Variants in CCSER1 observed in about 807,000 individuals in gnomAD.
CCSER1 encodes the protein serine-rich coiled-coil domain-containing protein 1.
Under a neutral mutation model 82.0 loss-of-function variants are expected in CCSER1, and 41 were observed. The ratio of observed to expected loss-of-function variants is 0.50; its 90% CI spans 0.39 to 0.65. The LOEUF is 0.65. Ranked by LOEUF, CCSER1 falls within the 30% of genes least tolerant of loss-of-function variation. CCSER1 has a pLI of 0.00. For missense variants in CCSER1, 1,119 were observed against 1,064.2 expected (o/e 1.05, Z -0.72); for synonymous variants, 414 against 383.9 (o/e 1.08, Z -0.92).
At chr4:91,329,094 T>TA (rs1746770030) in intron 10 of CCSER1, among the ~76,000 whole-genome samples, 1 of 152,218 alleles carries the variant, frequency 6.6e-6, no homozygotes, top group South Asian at 2.1e-4. Flanking sequence ...GTTTTATCTT[T>TA]ATTAGCAGAA....
At chr4:90,845,881 C>CTTA (rs915170563) in intron 8 of CCSER1, among the ~76,000 whole-genome samples, 2 of 150,620 alleles carry the variant, frequency 1.3e-5, no homozygotes, top group Non-Finnish European at 2.9e-5. Context: ...GGACTTGTAA[C>CTTA]TTATTTTCTC....
chr4:91,410,567 C>G (rs1342127281), intron 10 of CCSER1, among the ~76,000 whole-genome samples: 1 of 152,206 alleles, frequency 6.6e-6, no homozygotes, highest in South Asian at 2.1e-4. Context: ...TCTCAGGTAC[C>G]AAGCAGCCAA....
At chr4:91,575,034 G>A (rs72658060) in intron 10 of CCSER1, among the ~76,000 whole-genome samples, 3,612 of 152,032 alleles carry the variant, frequency 0.024, 67 homozygotes, top group Non-Finnish European at 0.033. Flanking sequence ...CAATGAAAGA[G>A]AATAGAAATC....
At chr4:91,548,946 TTC>T (rs1275618057) in intron 10 of CCSER1, among the ~76,000 whole-genome samples, 3 of 152,168 alleles carry the variant, frequency 2.0e-5, no homozygotes, top group Non-Finnish European at 4.4e-5. Flanking sequence ...AAAATATTGC[TTC>T]TGTTTTTTTC....
In CCSER1 at chr4:91,409,984, A is replaced by G. The variant is rs1038258606; in HGVS notation, c.2218-188588A>G. Among the ~76,000 whole-genome samples, 13 of 152,230 alleles carry G rather than the reference A, an allele frequency of 8.5e-5. No individual in the cohort carries two copies. In the South Asian group the frequency reaches 1.4e-3, roughly 17 times the overall value. ...CTCTAGATTCGTGCAAAATAAACAC[A>G]TTGACAGTAAGTTCCTTAACTTTAA... On this transcript the variant is annotated intron_variant, in intron 10 of 10. Coordinates refer to ENST00000509176, the MANE Select transcript of CCSER1 (RefSeq NM_001145065.2).
intron 8 of CCSER1, among the ~76,000 whole-genome samples, chr4:90,918,057 T>C (rs191716627): frequency 6.6e-6 from 1 of 152,204 alleles, no homozygotes. Context: ...CCAAACTTTC[T>C]TTTGCAAATT....
chr4:91,040,819 G>GT (rs367981348), intron 9 of CCSER1, among the ~76,000 whole-genome samples: 1 of 152,128 alleles, frequency 6.6e-6, no homozygotes, highest in African/African-American at 2.4e-5. Context: ...TTCACTGATA[G>GT]TTTTGCCCTT....
chr4:90,646,533 C>T (rs1014669880), intron 6 of CCSER1, among the ~76,000 whole-genome samples: 2 of 152,054 alleles, frequency 1.3e-5, no homozygotes, highest in Non-Finnish European at 2.9e-5. Context: ...AATTTCTACC[C>T]AACCTTGCAA....
chr4:91,533,239 A>G (rs1329553109), intron 10 of CCSER1, among the ~76,000 whole-genome samples: 3 of 152,180 alleles, frequency 2.0e-5, no homozygotes, highest in African/African-American at 7.2e-5. Context: ...ACCTAATTTT[A>G]GTGGCAAAAG....
chr4:90,660,522 A>G (rs1421362417), intron 6 of CCSER1, among the ~76,000 whole-genome samples: 3 of 152,098 alleles, frequency 2.0e-5, no homozygotes, highest in Non-Finnish European at 4.4e-5. Flanking sequence ...TCTTCAAGTT[A>G]TGTCTTATCT....
At chr4:91,393,845 T>G (rs1751808360) in intron 10 of CCSER1, among the ~76,000 whole-genome samples, 1 of 152,142 alleles carries the variant, frequency 6.6e-6, no homozygotes, top group African/African-American at 2.4e-5. Flanking sequence ...ACTGTTGAAT[T>G]TAATTGGGTT....
At chr4:90,238,089 C>T (rs1354964563) in intron 1 of CCSER1, among the ~76,000 whole-genome samples, 1 of 152,118 alleles carries the variant, frequency 6.6e-6, no homozygotes, top group Non-Finnish European at 1.5e-5. Flanking sequence ...ATATTAATCC[C>T]AGGGTGCTGA....
chr4:91,212,054 T>G (rs1436761373), intron 10 of CCSER1, among the ~76,000 whole-genome samples: 1 of 152,030 alleles, frequency 6.6e-6, no homozygotes, highest in East Asian at 1.9e-4. Context: ...ACAGTAAAAA[T>G]TTTTAATACC....
intron 10 of CCSER1, among the ~76,000 whole-genome samples, chr4:91,454,051 C>T (rs1756007907): frequency 6.6e-6 from 1 of 152,060 alleles, no homozygotes; most frequent in Admixed American, 6.6e-5. Context: ...AGCTCCAGAA[C>T]TTTCATATAC....
intron 1 of CCSER1, among the ~76,000 whole-genome samples, chr4:90,187,645 A>G (rs1734860365): frequency 6.6e-6 from 1 of 151,924 alleles, no homozygotes; most frequent in Non-Finnish European, 1.5e-5. Context: ...TCTATTTATA[A>G]CATCTATTTG....
chr4:90,233,640 A>T (rs1326421717), intron 1 of CCSER1, among the ~76,000 whole-genome samples: 1 of 150,466 alleles, frequency 6.6e-6, no homozygotes, highest in Admixed American at 6.6e-5. Flanking sequence ...AAATTAAAAA[A>T]AAAAAACAAA....
intron 10 of CCSER1, among the ~76,000 whole-genome samples, chr4:91,141,569 A>T (rs953419152): frequency 1.3e-5 from 2 of 152,220 alleles, no homozygotes; most frequent in Non-Finnish European, 2.9e-5. Context: ...TGCTATTGTG[A>T]ATAGTGCTGC....
At chr4:91,317,496 G>A (rs62312026) in intron 10 of CCSER1, among the ~76,000 whole-genome samples, 14 of 151,826 alleles carry the variant, frequency 9.2e-5, no homozygotes, top group Non-Finnish European at 1.8e-4. Flanking sequence ...AGGGCTCTCT[G>A]TTTTCTTTAC....
At chr4:91,408,766 G>A (rs1354063785) in intron 10 of CCSER1, among the ~76,000 whole-genome samples, 1 of 152,166 alleles carries the variant, frequency 6.6e-6, no homozygotes, top group Non-Finnish European at 1.5e-5. Context: ...AAAGGAAAAT[G>A]TTATATATCA....
Sources: allele counts gnomAD v4.1 joint callset (sites outside exome capture counted in the v4.1 genomes callset), GRCh38; gene constraint gnomAD v4.1.1; transcripts MANE v1.5; gene names NCBI Gene and HGNC (gene_info 2026-07-23, HGNC 2026-07-21).